The following GRIK4 variants were observed in gnomAD, a reference collection of about 807,000 sequenced individuals.
GRIK4 encodes glutamate receptor ionotropic, kainate 4.
In GRIK4, 40 loss-of-function variants were observed where a neutral mutation model predicts 104.9. That is an observed-to-expected ratio of 0.38 (90% CI 0.30 to 0.50). GRIK4 has a LOEUF of 0.50. Ranked by LOEUF, GRIK4 falls within the 20% of genes least tolerant of loss-of-function variation. The pLI is 0.93. For synonymous variants in GRIK4, 485 were observed against 524.9 expected (o/e 0.92, Z 1.04); for missense variants, 1,047 against 1,308.1 (o/e 0.80, Z 3.08).
rs1944795153 is a variant in GRIK4, at chr11:120,988,546, CAAGAT to C, written c.*2291_*2295del. ...GTCTGTTTCTTTCTCCGTGTGGAAT[CAAGAT>C]AAGACTGCCAGCACTAGACGGTTTC... is the stretch of plus-strand genomic sequence containing the variant. On this transcript the variant is annotated 3_prime_UTR_variant, in exon 21 of 21. Transcript: ENST00000527524. 1 of 152,322 alleles carries C rather than the reference CAAGAT, an allele frequency of 6.6e-6. No individual in the cohort carries two copies. Among genetic ancestry groups the C allele is most frequent in the African/African-American group, 2.4e-5 (1 of 41,558 alleles). The allele number at this position is 152,322 out of a possible 1,614,324, so 9.4% of individuals were successfully genotyped here. A position where few individuals can be genotyped will look rare whatever the true frequency, so the allele number is the denominator to read the frequency against.
intron 1 of GRIK4, among the ~76,000 whole-genome samples, chr11:120,600,463 G>A (rs1223675492): frequency 1.3e-5 from 2 of 152,192 alleles, no homozygotes; most frequent in South Asian, 4.1e-4. Context: ...AGGGAAATGG[G>A]GTTCCTGCTC....
intron 13 of GRIK4, among the ~76,000 whole-genome samples, chr11:120,917,323 G>A (rs890065172): frequency 2.0e-5 from 3 of 151,790 alleles, no homozygotes; most frequent in Admixed American, 2.0e-4. Flanking sequence ...AGAAAGCCAG[G>A]CTTTCCATTT....
chr11:120,785,225 C>T (rs1949354254), intron 3 of GRIK4, among the ~76,000 whole-genome samples: 1 of 152,162 alleles, frequency 6.6e-6, no homozygotes, highest in Non-Finnish European at 1.5e-5. Flanking sequence ...ATATCCCGGG[C>T]ACTGAACTGC....
rs1430492343 is a variant in GRIK4, at chr11:120,555,477, C to A, written c.-159+43590C>A. Among the ~76,000 whole-genome samples, 1 of 152,224 alleles carries A rather than the reference C, an allele frequency of 6.6e-6. No individual in the cohort carries two copies. Among genetic ancestry groups the A allele is most frequent in the Non-Finnish European group, 1.5e-5 (1 of 68,030 alleles). ...GCTGCTTATGTACTCGCCGAGCCAG[C>A]ATTCACACACTTTCTCCTCTTCACT... On this transcript the variant is annotated intron_variant, in intron 1 of 20. Coordinates refer to ENST00000527524, the MANE Select transcript of GRIK4 (RefSeq NM_014619.5). The surrounding 1 kb of genome is among the most constrained non-coding windows in gnomAD (Gnocchi z 5.3).
chr11:120,528,034 G>A (rs1228058065), intron 1 of GRIK4, among the ~76,000 whole-genome samples: 1 of 152,202 alleles, frequency 6.6e-6, no homozygotes, highest in African/African-American at 2.4e-5. Context: ...CGGGATTTGG[G>A]CTCACTGCAG....
chr11:120,661,785 C>T (rs1390631369), intron 3 of GRIK4, among the ~76,000 whole-genome samples: 5 of 152,032 alleles, frequency 3.3e-5, no homozygotes, highest in African/African-American at 1.2e-4. Flanking sequence ...GACAGGTGAC[C>T]CAGTTCTCCC....
intron 16 of GRIK4, among the ~76,000 whole-genome samples, chr11:120,959,279 G>A (rs896850139): frequency 2.0e-5 from 3 of 152,166 alleles, no homozygotes; most frequent in Admixed American, 6.5e-5. Flanking sequence ...AACCCAGCTC[G>A]CTCATGGTGG....
At chr11:120,595,868 A>G (rs1395247263) in intron 1 of GRIK4, among the ~76,000 whole-genome samples, 1 of 152,110 alleles carries the variant, frequency 6.6e-6, no homozygotes, top group African/African-American at 2.4e-5. Flanking sequence ...ATTTTTCGAG[A>G]TGGAGTCTTG....
intron 11 of GRIK4, 84 bp downstream of exon 11, chr11:120,875,327 G>A (rs1490815864): frequency 1.1e-6 from 1 of 871,920 alleles, no homozygotes; most frequent in Non-Finnish European, 1.9e-6. Flanking sequence ...ATGGCCTCCT[G>A]CTCCCAGTTA....
intron 1 of GRIK4, among the ~76,000 whole-genome samples, chr11:120,528,367 T>C (rs1368479802): frequency 6.6e-6 from 1 of 152,196 alleles, no homozygotes. Flanking sequence ...CGCCTTGGCC[T>C]CCCAAAGTGC....
chr11:120,559,197 G>A (rs1488921636), intron 1 of GRIK4, among the ~76,000 whole-genome samples: 4 of 152,156 alleles, frequency 2.6e-5, no homozygotes, highest in African/African-American at 9.7e-5. Flanking sequence ...CCTAAGCTTG[G>A]CCTCAAAGGA....
At chr11:120,831,023 G>A (rs1953414542) in intron 6 of GRIK4, among the ~76,000 whole-genome samples, 1 of 152,112 alleles carries the variant, frequency 6.6e-6, no homozygotes, top group Non-Finnish European at 1.5e-5. Context: ...CAAATAGCTG[G>A]TGGGTGGGAG....
chr11:120,815,606 A>G, intron 5 of GRIK4, 131 bp downstream of exon 5: 1 of 556,708 alleles, frequency 1.8e-6, no homozygotes, highest in Non-Finnish European at 3.2e-6. Flanking sequence ...ACAACAACAT[A>G]AATACAAATA....
At chr11:120,632,402 G>A (rs908529604) in intron 1 of GRIK4, among the ~76,000 whole-genome samples, 4 of 152,044 alleles carry the variant, frequency 2.6e-5, no homozygotes, top group African/African-American at 9.7e-5. Context: ...AGTAAAGAAC[G>A]TAGCTCAGGG....
chr11:120,578,691 C>T (rs546392364), intron 1 of GRIK4, among the ~76,000 whole-genome samples: 7 of 152,374 alleles, frequency 4.6e-5, no homozygotes, highest in African/African-American at 9.6e-5. Context: ...CACTGCCCCT[C>T]GGCCTTGGGA....
intron 1 of GRIK4, among the ~76,000 whole-genome samples, chr11:120,538,384 A>G (rs932834689): frequency 1.3e-5 from 2 of 152,136 alleles, no homozygotes; most frequent in African/African-American, 4.8e-5. Context: ...TGCTCCACCA[A>G]AGTGTCTGAT....
intron 3 of GRIK4, among the ~76,000 whole-genome samples, chr11:120,729,545 C>T (rs1951091500): frequency 2.0e-5 from 3 of 152,164 alleles, no homozygotes; most frequent in Admixed American, 1.3e-4. Flanking sequence ...GCCTGTTTGC[C>T]ATTTGTACGT....
At chr11:120,708,308 T>G (rs1257320115) in intron 3 of GRIK4, among the ~76,000 whole-genome samples, 1 of 151,960 alleles carries the variant, frequency 6.6e-6, no homozygotes, top group African/African-American at 2.4e-5. Flanking sequence ...GGTGTGGTGG[T>G]GGGGGCAGCA....
intron 3 of GRIK4, among the ~76,000 whole-genome samples, chr11:120,700,605 C>T (rs74447718): frequency 0.13 from 20,093 of 151,980 alleles, 1,425 homozygotes; most frequent in South Asian, 0.21. Flanking sequence ...ATTACAGGTG[C>T]GCGCCACCAT....
Sources: gnomAD v4.1 joint callset for allele counts (sites outside exome capture counted in the v4.1 genomes callset) on GRCh38, gnomAD v4.1.1 for gene constraint, Gnocchi (gnomAD v3.1) non-coding constraint, MANE v1.5 for transcripts, NCBI Gene and HGNC (gene_info 2026-07-23, HGNC 2026-07-21) for gene names.